The following RNF213 variants were observed in gnomAD, a reference collection of about 807,000 sequenced individuals.
RNF213 encodes ring finger protein 213.
In RNF213, 341 loss-of-function variants were observed where a neutral mutation model predicts 514.4. The ratio of observed to expected loss-of-function variants is 0.66; its 90% CI spans 0.61 to 0.73. The LOEUF (loss-of-function observed/expected upper bound fraction) is 0.73. Among genes scored for constraint, RNF213 ranks in the 30% least tolerant of loss-of-function variants. The pLI is 0.00. For synonymous variants in RNF213, 2,655 were observed against 2,658.2 expected, an observed-to-expected ratio of 1.00 and a Z score of 0.04; for missense variants, 5,767 against 6,615.6, an observed-to-expected ratio of 0.87 and a Z score of 4.45.
intron 1 of RNF213, among the ~76,000 whole-genome samples, chr17:80,261,689 T>C (rs1298890921): frequency 6.6e-6 from 1 of 152,224 alleles, no homozygotes; most frequent in Non-Finnish European, 1.5e-5. Flanking sequence ...GGCTCTCTCT[T>C]GTGTCTTCCG....
At chr17:80,303,654 C>T (rs185210870) in intron 11 of RNF213, among the ~76,000 whole-genome samples, 39 of 151,128 alleles carry the variant, frequency 2.6e-4, no homozygotes, top group African/African-American at 9.2e-4. Context: ...ACCTTCGCCT[C>T]CCAGGTTCAA....
chr17:80,338,419 G>A (rs1198012919), intron 25 of RNF213, among the ~76,000 whole-genome samples: 3 of 152,046 alleles, frequency 2.0e-5, no homozygotes, highest in Admixed American at 6.5e-5. Context: ...ATGGTGTACC[G>A]GTCTAAGTAA....
chr17:80,328,715 A>G (rs2046340289), intron 20 of RNF213, among the ~76,000 whole-genome samples: 1 of 152,176 alleles, frequency 6.6e-6, no homozygotes, highest in Non-Finnish European at 1.5e-5. Flanking sequence ...CGGAGTCAGC[A>G]TGAGCTGCTG....
intron 11 of RNF213, among the ~76,000 whole-genome samples, chr17:80,302,909 C>T (rs931543678): frequency 2.6e-5 from 4 of 152,154 alleles, no homozygotes; most frequent in Non-Finnish European, 5.9e-5. Context: ...CTCTGAAATA[C>T]TGAATACTGG....
At chr17:80,297,096 A>G (rs1053341714) in intron 10 of RNF213, among the ~76,000 whole-genome samples, 1 of 152,168 alleles carries the variant, frequency 6.6e-6, no homozygotes, top group African/African-American at 2.4e-5. Flanking sequence ...GGAATCATTA[A>G]TATCTTTTGA....
intron 55 of RNF213, 34 bp downstream of exon 55, chr17:80,379,748 C>T: frequency 6.3e-7 from 1 of 1,577,958 alleles, no homozygotes; most frequent in South Asian, 1.1e-5. Flanking sequence ...CCTAAGTACT[C>T]AAACTTTGGG....
chr17:80,277,073 C>CAA (rs555166839), intron 3 of RNF213, among the ~76,000 whole-genome samples: 6 of 148,632 alleles, frequency 4.0e-5, no homozygotes, highest in African/African-American at 1.5e-4. Context: ...AGCAAACAAA[C>CAA]CAAAAAAAAA....
rs142758536 is a variant in RNF213, at chr17:80,319,598, G to A, written c.3024+286G>A. 1.0e-3 allele frequency: 1,615 copies of A among 1,559,664 alleles called. 2 individuals are homozygous for A. Among genetic ancestry groups the A allele is most frequent in the South Asian group, 2.4e-3 (203 of 85,836 alleles). ...CACAAGTCACACGGGCTTGCAGGCC[G>A]TTCCTCAGATGGCCCTGTCATCACT... On this transcript the variant is annotated intron_variant, in intron 17 of 67. Transcript: ENST00000582970.
chr17:80,293,205 G>A (rs1340622327), intron 8 of RNF213, among the ~76,000 whole-genome samples: 2 of 151,942 alleles, frequency 1.3e-5, no homozygotes, highest in African/African-American at 4.8e-5. Context: ...CTACAGGCGT[G>A]TGTCACCATG....
Position 80,337,902 on chromosome 17 carries a change from T to C in RNF213, c.4738T>C (p.Tyr1580His), listed in dbSNP as rs1877969237. The C allele has an allele frequency of 3.3e-6, 5 of 1,537,062 alleles. No homozygotes were observed. The highest frequency in any genetic ancestry group is 3.5e-6 in the Non-Finnish European group (4 of 1,146,900). Reference sequence around the variant, plus strand: ...TGGCAGCCACGAGGAGTCACGAGAGTACTCTTTAGAGGAGGTGAAGGAGCT... The same window carrying C: ...TGGCAGCCACGAGGAGTCACGAGAGCACTCTTTAGAGGAGGTGAAGGAGCT... ...SPGSHEESREYSLEEVKELLN... is the reference protein window; with the variant it reads ...SPGSHEESREHSLEEVKELLN... Residue 1580 changes from tyrosine to histidine, a missense_variant, in exon 25 of 68, where the codon TAC becomes CAC. Tyr to His is a moderately conservative substitution (Grantham distance 83). Coordinates refer to ENST00000582970, the MANE Select transcript of RNF213 (RefSeq NM_001256071.3).
At chr17:80,318,577 AC>A (rs778407585) in intron 16 of RNF213, among the ~76,000 whole-genome samples, 3 of 149,470 alleles carry the variant, frequency 2.0e-5, no homozygotes, top group Non-Finnish European at 3.0e-5. Flanking sequence ...TTTATATGTA[AC>A]TTTTTTTTTT....
intron 11 of RNF213, among the ~76,000 whole-genome samples, chr17:80,299,170 A>G (rs2045079398): frequency 1.3e-5 from 2 of 152,156 alleles, no homozygotes; most frequent in Non-Finnish European, 2.9e-5. Context: ...TTTCCTCTTA[A>G]CAGTATTTTG....
intron 42 of RNF213, 86 bp from the exon 43 acceptor site, chr17:80,367,662 C>T: frequency 9.8e-7 from 1 of 1,020,978 alleles, no homozygotes; most frequent in Non-Finnish European, 1.5e-6. Flanking sequence ...AGCCTTGGCC[C>T]TGAATGTGGT....
intron 64 of RNF213, 106 bp downstream of exon 64, chr17:80,388,795 C>A: frequency 1.1e-6 from 1 of 905,204 alleles, no homozygotes; most frequent in Non-Finnish European, 1.8e-6. Context: ...TTGCTGTGAG[C>A]CCACAGTTTC....
In RNF213 at chr17:80,368,111, C is replaced by T. The variant is rs748666763; in HGVS notation, c.12123C>T (p.Asp4041=). 23 of 1,614,126 alleles carry T rather than the reference C, an allele frequency of 1.4e-5. No homozygotes were observed. The South Asian group carries it at 1.8e-4, about 12-fold the overall frequency. The change falls in exon 44 of 68, where the codon GAC becomes GAT. Residue 4041 remains aspartate (D), a synonymous_variant. Transcript: ENST00000582970. Reference sequence around the variant, plus strand: ...CCTACTGTTTAACTGCCTTGCCAGACGAATTCTCTCCAGCTGTTTCCCAAG... The same window carrying T: ...CCTACTGTTTAACTGCCTTGCCAGATGAATTCTCTCCAGCTGTTTCCCAAG... ...ICPYCLTALP[D]EFSPAVSQAH... is the part of the protein sequence containing the mutation.
In RNF213 at chr17:80,348,687, G is replaced by A. The variant is rs191818551; in HGVS notation, c.9951+401G>A. Among the ~76,000 whole-genome samples, 404 of 152,374 alleles carry A rather than the reference G, an allele frequency of 2.7e-3. 9 individuals are homozygous for A. Among genetic ancestry groups the A allele is most frequent in the Admixed American group, 0.023 (355 of 15,310 alleles). On this transcript the variant is annotated intron_variant, in intron 29 of 67. Coordinates refer to ENST00000582970, the MANE Select transcript of RNF213 (RefSeq NM_001256071.3). ...TAAATGCTGTGCTTAGAGGCAGCGG[G>A]GAGCGGTGCAGACCAGGATGCGAGC...
At chr17:80,362,153 T>A (rs2079079836) in intron 39 of RNF213, among the ~76,000 whole-genome samples, 1 of 152,218 alleles carries the variant, frequency 6.6e-6, no homozygotes, top group African/African-American at 2.4e-5. Context: ...TTCCTTGACA[T>A]AGCTTCTTTT....
At chr17:80,354,946 G>C (rs1275680439) in intron 36 of RNF213, 3 of 362,592 alleles carry the variant, frequency 8.3e-6, no homozygotes. Flanking sequence ...GGACAGGCGG[G>C]ATTTTCCCAG....
At chr17:80,360,479 G>T (rs1256651870) in intron 38 of RNF213, 1 of 473,420 alleles carries the variant, frequency 2.1e-6, no homozygotes, top group Admixed American at 3.3e-5. Flanking sequence ...GATGGCCAGG[G>T]ATATGGCGAA....
Sources: allele counts gnomAD v4.1 joint callset (sites outside exome capture counted in the v4.1 genomes callset), GRCh38; gene constraint gnomAD v4.1.1; transcripts MANE v1.5; gene names NCBI Gene and HGNC (gene_info 2026-07-23, HGNC 2026-07-21).